SIAH3: variants seen among roughly 807,000 people sequenced by gnomAD.
SIAH3 encodes seven in absentia homolog 3.
A neutral mutation model predicts 12.6 loss-of-function variants in SIAH3; 9 were observed. The observed-to-expected ratio is 0.72, with a 90% confidence interval of 0.43 to 1.25. SIAH3 has a LOEUF of 1.25. SIAH3 is among the 50% of genes most tolerant of loss of function. SIAH3 has a pLI of 0.00. For missense variants in SIAH3, 390 were observed against 365.4 expected, an observed-to-expected ratio of 1.07 and a Z score of -0.55; for synonymous variants, 154 against 151.1, an observed-to-expected ratio of 1.02 and a Z score of -0.14.
intron 1 of SIAH3, among the ~76,000 whole-genome samples, chr13:45,817,710 A>G (rs1950639481): frequency 6.6e-6 from 1 of 152,244 alleles, no homozygotes; most frequent in Non-Finnish European, 1.5e-5. Context: ...CAGCCACCCA[A>G]AGCTGGAAGA....
In SIAH3 at chr13:45,851,657, G is replaced by A; in HGVS notation, c.-28C>T. ...CAACTTTTGGGGGGTTGTTGGTCCGGGAAGGCAGCGGAGGAAGCTGTGAGT... is the reference window on the plus strand; with the variant it reads ...CAACTTTTGGGGGGTTGTTGGTCCGAGAAGGCAGCGGAGGAAGCTGTGAGT... On this transcript the variant is annotated 5_prime_UTR_variant, in exon 1 of 2. Coordinates refer to ENST00000400405, the MANE Select transcript of SIAH3 (RefSeq NM_198849.3). 1 of 1,613,832 alleles carries A rather than the reference G, an allele frequency of 6.2e-7. No individual in the cohort carries two copies.
At chr13:45,819,138 G>A (rs1414964108) in intron 1 of SIAH3, among the ~76,000 whole-genome samples, 2 of 152,206 alleles carry the variant, frequency 1.3e-5, no homozygotes, top group South Asian at 2.1e-4. Flanking sequence ...GCACGACACA[G>A]AGAAAGGAAG....
At chr13:45,805,662 C>T (rs1474479717) in intron 1 of SIAH3, among the ~76,000 whole-genome samples, 1 of 152,058 alleles carries the variant, frequency 6.6e-6, no homozygotes, top group Non-Finnish European at 1.5e-5. Context: ...TGGACAGTGG[C>T]CTTGGCAAAG....
chr13:45,843,026 C>CTGTGTGTG (rs1950745746), intron 1 of SIAH3, among the ~76,000 whole-genome samples: 1 of 62,048 alleles, frequency 1.6e-5, no homozygotes, highest in African/African-American at 5.6e-5. Context: ...ATTTCTCTCT[C>CTGTGTGTG]TCTCTCTCTG....
intron 1 of SIAH3, among the ~76,000 whole-genome samples, chr13:45,806,070 A>G (rs1049924275): frequency 1.6e-4 from 25 of 152,212 alleles, no homozygotes; most frequent in Admixed American, 1.4e-3. Flanking sequence ...AAAAAATAAC[A>G]TGTTGATGAG....
chr13:45,831,526 C>T (rs1273657450), intron 1 of SIAH3, among the ~76,000 whole-genome samples: 2 of 152,162 alleles, frequency 1.3e-5, no homozygotes, highest in Non-Finnish European at 2.9e-5. Flanking sequence ...CTCCAATATG[C>T]CAGGCGCTGT....
intron 1 of SIAH3, among the ~76,000 whole-genome samples, chr13:45,791,503 T>A (rs1950545602): frequency 6.6e-6 from 1 of 151,702 alleles, no homozygotes; most frequent in South Asian, 2.1e-4. Context: ...AGAAATATGG[T>A]GTGTGTGTGT....
chr13:45,847,067 G>A (rs1950762950), intron 1 of SIAH3, among the ~76,000 whole-genome samples: 1 of 152,194 alleles, frequency 6.6e-6, no homozygotes. Context: ...CCTTTATCCA[G>A]CCCCTCTGGC....
intron 1 of SIAH3, among the ~76,000 whole-genome samples, chr13:45,785,336 A>G (rs937933357): frequency 2.6e-5 from 4 of 152,032 alleles, no homozygotes; most frequent in Admixed American, 1.3e-4. Flanking sequence ...TAGCTCTCCA[A>G]ATGCTTTCTG....
At chr13:45,804,292 A>C (rs1950591720) in intron 1 of SIAH3, among the ~76,000 whole-genome samples, 1 of 152,122 alleles carries the variant, frequency 6.6e-6, no homozygotes, top group Admixed American at 6.6e-5. Context: ...AACCTTGAAA[A>C]CATTATGTTA....
At position 45,804,819 on chromosome 13, in the gene SIAH3, T is replaced by G. The variant is rs146293711; in HGVS notation, c.136-20762A>C. ...ACATGATTCTATACCTAGAAAACCC[T>G]AAAGGCTCCACCAAAAGGATCCTAG... On this transcript the variant is annotated intron_variant, in intron 1 of 1. Coordinates refer to ENST00000400405, the MANE Select transcript of SIAH3 (RefSeq NM_198849.3). 9.3e-4 allele frequency among the ~76,000 whole-genome samples: 142 copies of G among 152,186 alleles called. 3 individuals carry two copies. The East Asian group carries it at 0.019, about 20-fold the overall frequency.
rs4942432 is a variant in SIAH3 at position 45,777,756 on chromosome 13, C to T, written c.*5627G>A. The T allele has an allele frequency of 0.79, 120,063 of 152,190 alleles. 47,901 individuals carry two copies. Among genetic ancestry groups the T allele is most frequent in the East Asian group, 0.87 (4,504 of 5,186 alleles). 9.4% of individuals were successfully genotyped at this position (152,190 alleles called of 1,614,324 possible). ...ATTTGCAGCTGAACCTCAATCAAAGCCTAACTCTTTGGGGTCCCACCCATG... is the reference window on the plus strand; with the variant it reads ...ATTTGCAGCTGAACCTCAATCAAAGTCTAACTCTTTGGGGTCCCACCCATG... On this transcript the variant is annotated 3_prime_UTR_variant, in exon 2 of 2. Coordinates refer to ENST00000400405, the MANE Select transcript of SIAH3 (RefSeq NM_198849.3).
intron 1 of SIAH3, among the ~76,000 whole-genome samples, chr13:45,784,471 A>ATT (rs60025873): frequency 7.8e-6 from 1 of 128,036 alleles, no homozygotes; most frequent in African/African-American, 3.1e-5. Context: ...AGGTCAATAG[A>ATT]TTTTTTTTTT....
intron 1 of SIAH3, among the ~76,000 whole-genome samples, chr13:45,795,415 G>C (rs1950559186): frequency 6.6e-6 from 1 of 152,224 alleles, no homozygotes; most frequent in Non-Finnish European, 1.5e-5. Flanking sequence ...GGTGATACTT[G>C]TATGAGAGTT....
chr13:45,831,755 T>C (rs1009932519), intron 1 of SIAH3, among the ~76,000 whole-genome samples: 12 of 152,212 alleles, frequency 7.9e-5, no homozygotes, highest in Non-Finnish European at 1.8e-4. Flanking sequence ...TTCATGTGTC[T>C]CTTCACCCAA....
chr13:45,850,230 C>T (rs1950775235), intron 1 of SIAH3, among the ~76,000 whole-genome samples: 1 of 152,158 alleles, frequency 6.6e-6, no homozygotes, highest in Non-Finnish European at 1.5e-5. Flanking sequence ...GCATGTAACC[C>T]CAGCAGCTCC....
At chr13:45,817,321 T>G (rs759509142) in intron 1 of SIAH3, among the ~76,000 whole-genome samples, 84 of 152,254 alleles carry the variant, frequency 5.5e-4, no homozygotes, top group Non-Finnish European at 1.1e-3. Context: ...CTAGGAGGAA[T>G]AGGCTATGCC....
rs966441059 is a variant in SIAH3 at position 45,779,432 on chromosome 13, T to C, written c.*3951A>G. The C allele has an allele frequency of 2.0e-5, 3 of 152,114 alleles. No homozygotes were observed. The highest frequency in any genetic ancestry group is 7.2e-5 in the African/African-American group (3 of 41,414). The allele number at this position is 152,114 out of a possible 1,614,324, so 9.4% of individuals were successfully genotyped here. A position where few individuals can be genotyped will look rare whatever the true frequency, so the allele number is the denominator to read the frequency against. On this transcript the variant is annotated 3_prime_UTR_variant, in exon 2 of 2. Coordinates refer to ENST00000400405, the MANE Select transcript of SIAH3 (RefSeq NM_198849.3). ...GAGAAAAAGGGGAGCTAAAAGGCCATATTGAGTATGAAAGCACTAAAAGGC... is the reference window on the plus strand; with the variant it reads ...GAGAAAAAGGGGAGCTAAAAGGCCACATTGAGTATGAAAGCACTAAAAGGC...
At chr13:45,826,495 GGGTGGAT>G (rs1950677929) in intron 1 of SIAH3, among the ~76,000 whole-genome samples, 1 of 151,044 alleles carries the variant, frequency 6.6e-6, no homozygotes. Context: ...ATGGATGGGT[GGGTGGAT>G]AGATGGATGG....
Sources: gnomAD v4.1 joint callset for allele counts (sites outside exome capture counted in the v4.1 genomes callset) on GRCh38, gnomAD v4.1.1 for gene constraint, MANE v1.5 for transcripts, NCBI Gene and HGNC (gene_info 2026-07-23, HGNC 2026-07-21) for gene names.